PHYHIPL: variants seen among roughly 807,000 people sequenced by gnomAD.
PHYHIPL encodes phytanoyl-CoA 2-hydroxylase interacting protein like, also known as phytanoyl-CoA hydroxylase-interacting protein-like.
Under a neutral mutation model 33.4 loss-of-function variants are expected in PHYHIPL, and 9 were observed. That is an observed-to-expected ratio of 0.27 (90% CI 0.16 to 0.47). The LOEUF (loss-of-function observed/expected upper bound fraction) is 0.47, where lower values mean the gene tolerates loss of function less well. Among genes scored for constraint, PHYHIPL ranks in the 20% least tolerant of loss-of-function variants. PHYHIPL has a pLI of 0.99. For synonymous variants in PHYHIPL, 153 were observed against 154.1 expected, an observed-to-expected ratio of 0.99 and a Z score of 0.05; for missense variants, 365 against 460.7, an observed-to-expected ratio of 0.79 and a Z score of 1.90.
chr10:59,225,291 A>G (rs2133266869), intron 1 of PHYHIPL, among the ~76,000 whole-genome samples: 1 of 151,166 alleles, frequency 6.6e-6, no homozygotes, highest in South Asian at 2.1e-4. Context: ...TCCTCAGAAA[A>G]TCACACAGTA....
chr10:59,195,356 C>T (rs1443788770), intron 1 of PHYHIPL, among the ~76,000 whole-genome samples: 5 of 152,058 alleles, frequency 3.3e-5, no homozygotes, highest in Admixed American at 6.6e-5. Flanking sequence ...TGGGAGCCTT[C>T]ATAAGGAAAT....
intron 1 of PHYHIPL, among the ~76,000 whole-genome samples, chr10:59,223,434 C>T (rs538737826): frequency 9.9e-5 from 15 of 151,980 alleles, no homozygotes; most frequent in Non-Finnish European, 2.2e-4. Flanking sequence ...TCCATTATAC[C>T]TCAGTCCCAC....
intron 1 of PHYHIPL, chr10:59,183,558 C>T (rs1435881183): frequency 3.5e-6 from 2 of 577,404 alleles, no homozygotes; most frequent in Non-Finnish European, 4.4e-6. Context: ...GTATCTCACC[C>T]TTTGAGGGAA....
At chr10:59,240,454 C>G (rs369920266) in intron 4 of PHYHIPL, among the ~76,000 whole-genome samples, 28 of 151,630 alleles carry the variant, frequency 1.8e-4, no homozygotes, top group African/African-American at 6.8e-4. Context: ...AGATAACTTA[C>G]GTTAGCCTAC....
rs946161554 is a variant in PHYHIPL at position 59,247,572 on chromosome 10, C to T, written c.*1981C>T. 1.9e-6 allele frequency: 3 copies of T among 1,610,830 alleles called. No homozygotes were observed. The highest frequency in any genetic ancestry group is 2.5e-6 in the Non-Finnish European group (3 of 1,178,688). Reference sequence around the variant, plus strand: ...GGATGGCAGAGGAAAATAAACTTTACTTTATATCATGGGTGAAAGTGATCA... The same window carrying T: ...GGATGGCAGAGGAAAATAAACTTTATTTTATATCATGGGTGAAAGTGATCA... On this transcript the variant is annotated 3_prime_UTR_variant, in exon 5 of 5. Coordinates refer to ENST00000373880, the MANE Select transcript of PHYHIPL (RefSeq NM_032439.4).
chr10:59,188,748 G>GT (rs556286016), intron 1 of PHYHIPL, among the ~76,000 whole-genome samples: 1,680 of 152,070 alleles, frequency 0.011, 29 homozygotes, highest in African/African-American at 0.038. Context: ...TTTGATCTTT[G>GT]TTGGTTTAAA....
intron 1 of PHYHIPL, among the ~76,000 whole-genome samples, chr10:59,222,804 A>T (rs1228052049): frequency 1.3e-5 from 2 of 152,180 alleles, no homozygotes; most frequent in Admixed American, 1.3e-4. Flanking sequence ...TGCATTAATT[A>T]GACCAAGGAT....
At chr10:59,196,629 A>G (rs1838927844) in intron 1 of PHYHIPL, among the ~76,000 whole-genome samples, 1 of 152,034 alleles carries the variant, frequency 6.6e-6, no homozygotes, top group South Asian at 2.1e-4. Context: ...CGTGTTAGGC[A>G]GGATGGTCTT....
rs532110705 is a variant in PHYHIPL at position 59,198,202 on chromosome 10, C to G, written c.106+21243C>G. On this transcript the variant is annotated intron_variant, in intron 1 of 4. Transcript: ENST00000373880. Reference sequence around the variant, plus strand: ...ATATCTCCTAATGCTATCCCTCCCCCCTACCCCCACCCCATGACAGGCCCA... The same window carrying G: ...ATATCTCCTAATGCTATCCCTCCCCGCTACCCCCACCCCATGACAGGCCCA... Among the ~76,000 whole-genome samples, 18 of 152,234 alleles carry G rather than the reference C, an allele frequency of 1.2e-4. No individual in the cohort carries two copies. The South Asian group carries it at 2.5e-3, about 21-fold the overall frequency.
chr10:59,227,020 T>A (rs1224621226), intron 1 of PHYHIPL, among the ~76,000 whole-genome samples: 4 of 152,104 alleles, frequency 2.6e-5, no homozygotes, highest in African/African-American at 9.7e-5. Context: ...TTTAAAAAGA[T>A]TTAAAGCAAA....
chr10:59,245,616 A>C lies in PHYHIPL; in HGVS notation c.*25A>C. 6.4e-7 allele frequency: 1 copy of C among 1,556,136 alleles called. No homozygotes were observed. Among genetic ancestry groups the C allele is most frequent in the Middle Eastern group, 1.7e-4 (1 of 5,720 alleles). On this transcript the variant is annotated 3_prime_UTR_variant, in exon 5 of 5. Transcript: ENST00000373880. Reference sequence around the variant, plus strand: ...ATGCCCACTTTTCTTATTCTTACTCAGCCCCTTTTCCTCCCTTAGGAGCAT... The same window carrying C: ...ATGCCCACTTTTCTTATTCTTACTCCGCCCCTTTTCCTCCCTTAGGAGCAT...
chr10:59,201,182 C>T (rs1401113173), intron 1 of PHYHIPL, among the ~76,000 whole-genome samples: 1 of 152,150 alleles, frequency 6.6e-6, no homozygotes, highest in Non-Finnish European at 1.5e-5. Context: ...CCTGCTTTCT[C>T]TTGTGGGCAT....
At position 59,182,682 on chromosome 10, in the gene PHYHIPL, G is replaced by A. The variant is rs571794018; in HGVS notation, c.106+5723G>A. Reference sequence around the variant, plus strand: ...ACATTTGAGAGTAAAATCAGTGTTTGGAGACAACTTAAATGTATAGAAGAA... The same window carrying A: ...ACATTTGAGAGTAAAATCAGTGTTTAGAGACAACTTAAATGTATAGAAGAA... On this transcript the variant is annotated intron_variant, in intron 1 of 4. Coordinates refer to ENST00000373880, the MANE Select transcript of PHYHIPL (RefSeq NM_032439.4). 3.9e-5 allele frequency among the ~76,000 whole-genome samples: 6 copies of A among 152,180 alleles called. No homozygotes were observed. The South Asian group carries it at 6.2e-4, about 16-fold the overall frequency.
At position 59,176,976 on chromosome 10, in the gene PHYHIPL, C is replaced by T. The variant is rs1838267832; in HGVS notation, c.106+17C>T. 3.1e-6 allele frequency: 5 copies of T among 1,607,902 alleles called. No homozygotes were observed. The African/African-American group carries it at 5.3e-5, about 17-fold the overall frequency. On this transcript the variant is annotated intron_variant, in intron 1 of 4. Coordinates refer to ENST00000373880, the MANE Select transcript of PHYHIPL (RefSeq NM_032439.4). The stretch of plus-strand genomic sequence containing the variant: ...ACCGGGACGGTAAGAGCGGCCGGGA[C>T]CGCGAGGAAAGGGACAGAGTTCGCG...
At position 59,187,597 on chromosome 10, in the gene PHYHIPL, G is replaced by T. The variant is rs539623800; in HGVS notation, c.106+10638G>T. Among the ~76,000 whole-genome samples the T allele has an allele frequency of 7.9e-5, 12 of 152,148 alleles. No homozygotes were observed. In the East Asian group the frequency reaches 2.3e-3, roughly 29 times the overall value. On this transcript the variant is annotated intron_variant, in intron 1 of 4. Coordinates refer to ENST00000373880, the MANE Select transcript of PHYHIPL (RefSeq NM_032439.4). Reference sequence around the variant, plus strand: ...TTGGCTGCGAATCCATCTGGTCCTGGACCTTTTTTGGTTGGTAAGCTATTA... The same window carrying T: ...TTGGCTGCGAATCCATCTGGTCCTGTACCTTTTTTGGTTGGTAAGCTATTA...
intron 1 of PHYHIPL, among the ~76,000 whole-genome samples, chr10:59,210,074 C>A (rs1839400429): frequency 6.6e-6 from 1 of 152,054 alleles, no homozygotes; most frequent in South Asian, 2.1e-4. Context: ...CCAAAATTGA[C>A]AAATGGGATC....
intron 1 of PHYHIPL, among the ~76,000 whole-genome samples, chr10:59,188,824 T>A (rs1417415375): frequency 1.3e-5 from 2 of 152,180 alleles, no homozygotes; most frequent in Non-Finnish European, 2.9e-5. Context: ...GCTTGGTAGA[T>A]CTTCCTCCAT....
In PHYHIPL at chr10:59,238,604, T is replaced by C. The variant is rs760460247; in HGVS notation, c.495T>C (p.His165=). The C allele has an allele frequency of 6.2e-7, 1 of 1,607,906 alleles. No homozygotes were observed. The highest frequency in any genetic ancestry group is 8.5e-7 in the Non-Finnish European group (1 of 1,175,176). Residue 165 remains histidine, a synonymous_variant, in exon 4 of 5, where the codon CAT becomes CAC. Coordinates refer to ENST00000373880, the MANE Select transcript of PHYHIPL (RefSeq NM_032439.4). The part of the protein sequence containing the change: ...EFCTADYSKV[H]LTQLLEKAEV... ...TTTTTCCAGACTATTCAAAAGTTCA[T>C]CTAACACAATTGTTGGAGAAGGCTG...
At chr10:59,201,407 A>T (rs368402230) in intron 1 of PHYHIPL, among the ~76,000 whole-genome samples, 4 of 152,292 alleles carry the variant, frequency 2.6e-5, no homozygotes, top group South Asian at 4.2e-4. Flanking sequence ...GTTTGATTGC[A>T]CTGTGGTCTG....
Sources: allele counts gnomAD v4.1 joint callset (sites outside exome capture counted in the v4.1 genomes callset), GRCh38; gene constraint gnomAD v4.1.1; transcripts MANE v1.5; gene names NCBI Gene and HGNC (gene_info 2026-07-23, HGNC 2026-07-21).